RIGI: variants seen among roughly 807,000 people sequenced by gnomAD.
RIGI encodes the protein RNA sensor RIG-I, also known as antiviral innate immune response receptor RIG-I.
chr9:32,479,761 C>T, the RIGI span, among the ~76,000 whole-genome samples: 2 of 150,200 alleles, frequency 1.3e-5, no homozygotes, highest in Non-Finnish European at 2.9e-5. Flanking sequence ...TGCCTGAATC[C>T]GGGAGGCAGA....
At chr9:32,492,294 G>GA in the RIGI span, 1 of 1,332,502 alleles carries the variant, frequency 7.5e-7, no homozygotes, top group South Asian at 1.4e-5. Context: ...ATGTAGCTCT[G>GA]GCTATCTGAG....
At chr9:32,475,514 C>A in the RIGI span, among the ~76,000 whole-genome samples, 4 of 151,772 alleles carry the variant, frequency 2.6e-5, no homozygotes, top group Non-Finnish European at 4.4e-5. Flanking sequence ...CAAATATAGT[C>A]AACTGATGTT....
the RIGI span, chr9:32,477,072 C>T: frequency 6.2e-7 from 1 of 1,614,142 alleles, no homozygotes; most frequent in Non-Finnish European, 8.5e-7. Flanking sequence ...CAGAGGTCTT[C>T]AAGTTTAGGA....
the RIGI span, among the ~76,000 whole-genome samples, chr9:32,465,193 T>C: frequency 6.6e-6 from 1 of 152,188 alleles, no homozygotes; most frequent in South Asian, 2.1e-4. Flanking sequence ...ACTAAATAAT[T>C]TCCCTGCAAT....
chr9:32,458,145 G>A, the RIGI span, among the ~76,000 whole-genome samples: 1 of 152,120 alleles, frequency 6.6e-6, no homozygotes, highest in African/African-American at 2.4e-5. Context: ...CTCCTCATCT[G>A]AGCCAGCCCA....
chr9:32,524,822 C>T, the RIGI span, among the ~76,000 whole-genome samples: 4 of 151,948 alleles, frequency 2.6e-5, no homozygotes, highest in East Asian at 7.8e-4. Flanking sequence ...AAGCTGGTCT[C>T]GAACTCCTGA....
the RIGI span, chr9:32,487,430 A>G: frequency 6.3e-7 from 1 of 1,597,268 alleles, no homozygotes. Flanking sequence ...GGTAGTAGAG[A>G]GTAACAGAAT....
At chr9:32,498,915 G>A in the RIGI span, among the ~76,000 whole-genome samples, 14 of 151,290 alleles carry the variant, frequency 9.3e-5, no homozygotes, top group African/African-American at 1.7e-4. Flanking sequence ...CCCGGGAGGC[G>A]GAGGTTGCAG....
At chr9:32,466,690 C>CAAAAAAAAAAA in the RIGI span, among the ~76,000 whole-genome samples, 2 of 68,604 alleles carry the variant, frequency 2.9e-5, 1 homozygote. Flanking sequence ...AGACCTATCT[C>CAAAAAAAAAAA]AAAAAAAAAA....
At chr9:32,475,149 A>C in the RIGI span, among the ~76,000 whole-genome samples, 1 of 151,904 alleles carries the variant, frequency 6.6e-6, no homozygotes, top group East Asian at 1.9e-4. Context: ...ACAGGGTTTC[A>C]CCATGTTGGC....
At chr9:32,460,118 T>C in the RIGI span, among the ~76,000 whole-genome samples, 2 of 152,330 alleles carry the variant, frequency 1.3e-5, no homozygotes, top group East Asian at 3.9e-4. Flanking sequence ...TTTATCAGCG[T>C]TTCCACTTTT....
the RIGI span, among the ~76,000 whole-genome samples, chr9:32,471,966 CTTA>C: frequency 6.6e-6 from 1 of 151,892 alleles, no homozygotes; most frequent in Non-Finnish European, 1.5e-5. Flanking sequence ...TGGGAGGGTG[CTTA>C]TTATAAACAA....
the RIGI span, among the ~76,000 whole-genome samples, chr9:32,473,327 G>T: frequency 8.2e-6 from 1 of 121,392 alleles, no homozygotes; most frequent in African/African-American, 3.1e-5. Flanking sequence ...TTGGTCTACC[G>T]CCTAGGCTGG....
chr9:32,519,295 T>C, the RIGI span, among the ~76,000 whole-genome samples: 1 of 152,202 alleles, frequency 6.6e-6, no homozygotes, highest in Non-Finnish European at 1.5e-5. Context: ...AGGCTTTTAT[T>C]TGGTTCCATG....
At chr9:32,505,945 G>A in the RIGI span, among the ~76,000 whole-genome samples, 8 of 152,270 alleles carry the variant, frequency 5.3e-5, no homozygotes, top group Admixed American at 1.3e-4. Flanking sequence ...GGCCAGGCGC[G>A]GTGGCTCATG....
the RIGI span, among the ~76,000 whole-genome samples, chr9:32,469,614 C>T: frequency 1.6e-4 from 25 of 152,180 alleles, no homozygotes; most frequent in Non-Finnish European, 3.4e-4. Context: ...CTTAGACTAG[C>T]GTAAGTGGGT....
the RIGI span, among the ~76,000 whole-genome samples, chr9:32,507,879 GCTTT>G: frequency 6.6e-6 from 1 of 152,090 alleles, no homozygotes; most frequent in Non-Finnish European, 1.5e-5. Context: ...CCTGGATTCT[GCTTT>G]CTGACTCATT....
the RIGI span, chr9:32,455,973 T>C: frequency 3.9e-5 from 6 of 152,226 alleles, no homozygotes; most frequent in African/African-American, 7.2e-5. Flanking sequence ...CCTCATCCCG[T>C]TGATCTCCAG....
At chr9:32,475,551 GAAGA>G in the RIGI span, among the ~76,000 whole-genome samples, 1 of 151,848 alleles carries the variant, frequency 6.6e-6, no homozygotes, top group African/African-American at 2.4e-5. Flanking sequence ...GCAATTCAGT[GAAGA>G]AAGGATAGTC....
Sources: gnomAD v4.1 joint callset for allele counts (sites outside exome capture counted in the v4.1 genomes callset) on GRCh38, gnomAD v4.1.1 for gene constraint, MANE v1.5 for transcripts, NCBI Gene and HGNC (gene_info 2026-07-23, HGNC 2026-07-21) for gene names.